Variants in NEDD4L observed in about 807,000 individuals in gnomAD.
NEDD4L encodes E3 ubiquitin-protein ligase NEDD4-like.
A neutral mutation model predicts 148.9 loss-of-function variants in NEDD4L; 54 were observed. The ratio of observed to expected loss-of-function variants is 0.36; its 90% CI spans 0.29 to 0.45. NEDD4L has a LOEUF of 0.45. NEDD4L is among the 20% of genes least tolerant of loss of function. The pLI is 1.00. For missense variants in NEDD4L, 856 were observed against 1,233.8 expected (o/e 0.69, Z 4.59); for synonymous variants, 433 against 440.7 (o/e 0.98, Z 0.22).
At chr18:58,048,371 T>C (rs759006849) in intron 1 of NEDD4L, among the ~76,000 whole-genome samples, 1 of 152,222 alleles carries the variant, frequency 6.6e-6, no homozygotes, top group Non-Finnish European at 1.5e-5. Flanking sequence ...AGATGCGCCA[T>C]GAGAGCAAAG....
In NEDD4L at chr18:58,224,508, T is replaced by G. The variant is rs1047755494; in HGVS notation, c.123-20919T>G. Among the ~76,000 whole-genome samples the G allele has an allele frequency of 7.9e-5, 12 of 152,178 alleles. 1 individual carries two copies. Reference sequence around the variant, plus strand: ...GCATTTTGATATACTCCACTTTTTCTCTCTTGCCCTGTTTTGTTGAGGTTT... The same window carrying G: ...GCATTTTGATATACTCCACTTTTTCGCTCTTGCCCTGTTTTGTTGAGGTTT... On this transcript the variant is annotated intron_variant, in intron 2 of 30. Transcript: ENST00000400345.
At chr18:58,100,851 G>A (rs1462682060) in intron 1 of NEDD4L, among the ~76,000 whole-genome samples, 1 of 152,168 alleles carries the variant, frequency 6.6e-6, no homozygotes, top group Non-Finnish European at 1.5e-5. Flanking sequence ...CTGCCATCCA[G>A]GCTGGAGTGC....
At chr18:58,278,861 A>G (rs1376623744) in intron 5 of NEDD4L, among the ~76,000 whole-genome samples, 3 of 152,068 alleles carry the variant, frequency 2.0e-5, no homozygotes, top group African/African-American at 7.2e-5. Context: ...GACTGATTAT[A>G]CTTTTATTTT....
chr18:58,257,932 T>C (rs2048824246), intron 5 of NEDD4L, among the ~76,000 whole-genome samples: 1 of 152,250 alleles, frequency 6.6e-6, no homozygotes, highest in African/African-American at 2.4e-5. Flanking sequence ...ATTTCACTTA[T>C]GAATTGTGAT....
intron 2 of NEDD4L, among the ~76,000 whole-genome samples, chr18:58,182,800 A>G (rs1369794570): frequency 1.3e-5 from 2 of 152,098 alleles, no homozygotes; most frequent in Non-Finnish European, 2.9e-5. Context: ...GGTTTCTCAG[A>G]TATTTCTGCC....
intron 5 of NEDD4L, among the ~76,000 whole-genome samples, chr18:58,294,161 A>G (rs550221622): frequency 2.6e-5 from 4 of 152,206 alleles, no homozygotes; most frequent in African/African-American, 9.7e-5. Flanking sequence ...ACGGAAATAC[A>G]CATCACACTT....
intron 1 of NEDD4L, among the ~76,000 whole-genome samples, chr18:58,048,288 C>T (rs1374279400): frequency 6.6e-6 from 1 of 152,232 alleles, no homozygotes; most frequent in Non-Finnish European, 1.5e-5. Context: ...TTATCTACTT[C>T]TTAATCAACC....
chr18:58,164,011 G>A (rs1307049427), intron 1 of NEDD4L, among the ~76,000 whole-genome samples: 1 of 150,158 alleles, frequency 6.7e-6, no homozygotes, highest in Non-Finnish European at 1.5e-5. Flanking sequence ...CAGCCATTGT[G>A]TTCTTGGGGA....
intron 1 of NEDD4L, among the ~76,000 whole-genome samples, chr18:58,146,864 A>T (rs77281858): frequency 0.06 from 9,053 of 151,732 alleles, 865 homozygotes; most frequent in African/African-American, 0.2. Flanking sequence ...TGAACAAGGG[A>T]TCCATGTTTT....
In NEDD4L at chr18:58,098,944, G is replaced by A. The variant is rs144008543; in HGVS notation, c.48+54236G>A. ...TAAATGCTAAACCATGTGGTAAGCA[G>A]ATGTTCTCAGTGAGCACCAGGTCAC... On this transcript the variant is annotated intron_variant, in intron 1 of 30. Coordinates refer to ENST00000400345, the MANE Select transcript of NEDD4L (RefSeq NM_001144967.3). Among the ~76,000 whole-genome samples, 591 of 152,300 alleles carry A rather than the reference G, an allele frequency of 3.9e-3. 6 individuals carry two copies. The highest frequency in any genetic ancestry group is 0.014 in the African/African-American group (567 of 41,562).
At chr18:58,229,893 G>T (rs1172986159) in intron 2 of NEDD4L, among the ~76,000 whole-genome samples, 1 of 152,140 alleles carries the variant, frequency 6.6e-6, no homozygotes, top group African/African-American at 2.4e-5. Context: ...GGAGGCTGAG[G>T]CAAGAGAATC....
chr18:58,050,738 G>A (rs1416005364), intron 1 of NEDD4L, among the ~76,000 whole-genome samples: 1 of 152,168 alleles, frequency 6.6e-6, no homozygotes, highest in Non-Finnish European at 1.5e-5. Context: ...TCCAGCCTGG[G>A]CAACAAGAGC....
rs1344276009 is a variant in NEDD4L at position 58,134,193 on chromosome 18, GTTTCA to G, written c.49-31594_49-31590del. 5.6e-3 allele frequency among the ~76,000 whole-genome samples: 858 copies of G among 152,044 alleles called. 3 individuals are homozygous for G. Among genetic ancestry groups the G allele is most frequent in the African/African-American group, 0.015 (631 of 41,482 alleles). On this transcript the variant is annotated intron_variant, in intron 1 of 30. Transcript: ENST00000400345. The stretch of plus-strand genomic sequence containing the variant: ...TTTTTGTATTTTTAGTAGAGACGGG[GTTTCA>G]CCATGTTGGCCAGGCTGGTCTCAAA...
chr18:58,095,476 A>G (rs1226524508), intron 1 of NEDD4L, among the ~76,000 whole-genome samples: 1 of 95,554 alleles, frequency 1.0e-5, no homozygotes, highest in Admixed American at 1.1e-4. Flanking sequence ...ATCTGTCTGC[A>G]GCACTGAGGC....
rs767077849 is a variant in NEDD4L at position 58,044,622 on chromosome 18, G to C, written c.-39G>C. On this transcript the variant is annotated 5_prime_UTR_variant, in exon 1 of 31. Transcript: ENST00000400345. ...CGGCCGTCCGCGCCGCAGCACAGCC[G>C]CTGGGAGCGCCTCAGACCCCGCGCG... 5 of 1,571,276 alleles carry C rather than the reference G, an allele frequency of 3.2e-6. No homozygotes were observed. Among genetic ancestry groups the C allele is most frequent in the Non-Finnish European group, 3.4e-6 (4 of 1,159,788 alleles).
intron 12 of NEDD4L, among the ~76,000 whole-genome samples, chr18:58,335,067 G>A (rs2041545198): frequency 6.6e-6 from 1 of 152,108 alleles, no homozygotes; most frequent in African/African-American, 2.4e-5. Flanking sequence ...TCACTTTCCT[G>A]GAAACTGGTG....
intron 5 of NEDD4L, among the ~76,000 whole-genome samples, chr18:58,280,614 G>A (rs1482833281): frequency 6.6e-6 from 1 of 152,172 alleles, no homozygotes; most frequent in Non-Finnish European, 1.5e-5. Context: ...AGCTACCTGT[G>A]TGCTTCCACT....
chr18:58,057,673 C>T (rs2082149035), intron 1 of NEDD4L, among the ~76,000 whole-genome samples: 1 of 152,156 alleles, frequency 6.6e-6, no homozygotes, highest in South Asian at 2.1e-4. Flanking sequence ...CAGGAAAACT[C>T]AGGCTCTGAG....
chr18:58,084,519 G>A (rs1382211495), intron 1 of NEDD4L, among the ~76,000 whole-genome samples: 2 of 152,106 alleles, frequency 1.3e-5, no homozygotes, highest in African/African-American at 4.8e-5. Context: ...CCACACACTG[G>A]GTGGCTTAAA....
Sources: gnomAD v4.1 joint callset for allele counts (sites outside exome capture counted in the v4.1 genomes callset) on GRCh38, gnomAD v4.1.1 for gene constraint, MANE v1.5 for transcripts, NCBI Gene and HGNC (gene_info 2026-07-23, HGNC 2026-07-21) for gene names.